Variants in MME observed in about 807,000 individuals in gnomAD.
MME encodes membrane metalloendopeptidase, also known as neprilysin.
Under a neutral mutation model 113.2 loss-of-function variants are expected in MME, and 98 were observed. The observed-to-expected ratio is 0.87, with a 90% CI of 0.74 to 1.02. MME has a LOEUF of 1.02. Ranked by LOEUF, MME falls within the 50% of genes least tolerant of loss-of-function variation. MME has a pLI of 0.00. For missense variants in MME, 836 were observed against 896.0 expected, an observed-to-expected ratio of 0.93 and a Z score of 0.86; for synonymous variants, 292 against 300.6, an observed-to-expected ratio of 0.97 and a Z score of 0.30.
At position 155,138,246 on chromosome 3, in the gene MME, A is replaced by G. The variant is rs771175787; in HGVS notation, c.855+10A>G. On this transcript the variant is annotated intron_variant, in intron 9 of 22. Transcript: ENST00000360490. Reference sequence around the variant, plus strand: ...AAAAGAAATTGCCAATGTAAAACACATTTTTTTTTCTGATACACTGAATAA... The same window carrying G: ...AAAAGAAATTGCCAATGTAAAACACGTTTTTTTTTCTGATACACTGAATAA... 2.5e-6 allele frequency: 4 copies of G among 1,602,474 alleles called. No individual in the cohort carries two copies. Among genetic ancestry groups the G allele is most frequent in the Non-Finnish European group, 3.4e-6 (4 of 1,171,562 alleles).
chr3:155,068,235 C>T (rs184078363), intron 1 of MME, among the ~76,000 whole-genome samples: 17 of 152,114 alleles, frequency 1.1e-4, no homozygotes, highest in East Asian at 9.6e-4. Context: ...AGTATACAAA[C>T]GGTATAGTAA....
intron 1 of MME, among the ~76,000 whole-genome samples, chr3:155,047,957 G>T (rs572700521): frequency 9.1e-4 from 139 of 152,216 alleles, no homozygotes; most frequent in Non-Finnish European, 1.5e-3. Context: ...TAGTATGAGG[G>T]TGTTTTGAGT....
At chr3:155,175,926 G>T (rs1004746730) in intron 22 of MME, among the ~76,000 whole-genome samples, 1 of 152,046 alleles carries the variant, frequency 6.6e-6, no homozygotes, top group African/African-American at 2.4e-5. Flanking sequence ...AGTGAGTTTT[G>T]CAGAATTTCT....
chr3:155,066,793 T>C (rs555843426), intron 1 of MME, among the ~76,000 whole-genome samples: 100 of 152,350 alleles, frequency 6.6e-4, no homozygotes, highest in African/African-American at 2.4e-3. Context: ...GACTAAGGAC[T>C]GCTCTCTGTT....
chr3:155,025,715 CAG>C (rs1393743083), intron 1 of MME, among the ~76,000 whole-genome samples: 4 of 89,602 alleles, frequency 4.5e-5, no homozygotes, highest in Non-Finnish European at 2.0e-5. Context: ...TTTTTTGAGA[CAG>C]AGTTTCACTC....
At chr3:155,071,334 G>A (rs945165846) in intron 1 of MME, among the ~76,000 whole-genome samples, 1 of 152,142 alleles carries the variant, frequency 6.6e-6, no homozygotes, top group Non-Finnish European at 1.5e-5. Context: ...CTGCCCGACC[G>A]TATCAGCACA....
chr3:155,063,921 G>C (rs12107228), intron 1 of MME, among the ~76,000 whole-genome samples: 14,466 of 151,418 alleles, frequency 0.096, 816 homozygotes, highest in African/African-American at 0.15. Context: ...GGAGATGGGG[G>C]CTTTACAGAG....
At chr3:155,148,233 A>T (rs1360907970) in intron 15 of MME, among the ~76,000 whole-genome samples, 1 of 152,176 alleles carries the variant, frequency 6.6e-6, no homozygotes, top group South Asian at 2.1e-4. Context: ...GGCACATGGT[A>T]AGTACTAAAG....
At chr3:155,069,074 G>A (rs1714472441) in intron 1 of MME, among the ~76,000 whole-genome samples, 1 of 152,172 alleles carries the variant, frequency 6.6e-6, no homozygotes, top group East Asian at 1.9e-4. Flanking sequence ...ACGAGAGCAT[G>A]GGTTTGTGAA....
intron 9 of MME, among the ~76,000 whole-genome samples, chr3:155,139,743 C>T (rs1284150336): frequency 1.3e-5 from 2 of 152,180 alleles, no homozygotes; most frequent in African/African-American, 4.8e-5. Flanking sequence ...CTTATAGAAA[C>T]TCTTGCACCT....
intron 22 of MME, among the ~76,000 whole-genome samples, chr3:155,174,706 C>T (rs1712352360): frequency 6.6e-6 from 1 of 151,938 alleles, no homozygotes; most frequent in African/African-American, 2.4e-5. Flanking sequence ...CATCATAAAA[C>T]CATATTTGCT....
intron 1 of MME, among the ~76,000 whole-genome samples, chr3:155,059,375 G>T (rs1714060732): frequency 6.6e-6 from 1 of 151,600 alleles, no homozygotes; most frequent in Non-Finnish European, 1.5e-5. Flanking sequence ...TTTATAAAGA[G>T]CTTTCTGTAT....
intron 8 of MME, among the ~76,000 whole-genome samples, chr3:155,133,345 T>C (rs973438079): frequency 2.6e-5 from 4 of 151,186 alleles, no homozygotes; most frequent in Admixed American, 1.3e-4. Flanking sequence ...GTATATTCCA[T>C]GTAGCTATAT....
At chr3:155,179,357 G>A (rs1712854139) in intron 22 of MME, among the ~76,000 whole-genome samples, 1 of 152,178 alleles carries the variant, frequency 6.6e-6, no homozygotes, top group Non-Finnish European at 1.5e-5. Context: ...CAAGTCCATG[G>A]AAGGTTTTAA....
At chr3:155,046,999 GAAGA>G (rs900546134) in intron 1 of MME, among the ~76,000 whole-genome samples, 7 of 152,098 alleles carry the variant, frequency 4.6e-5, no homozygotes, top group African/African-American at 7.2e-5. Flanking sequence ...GTTTATTACT[GAAGA>G]AAGAAACTTG....
At chr3:155,130,636 T>C (rs61758173) in intron 8 of MME, among the ~76,000 whole-genome samples, 70 of 151,912 alleles carry the variant, frequency 4.6e-4, no homozygotes, top group Admixed American at 8.5e-4. Flanking sequence ...CCAGGAGAAG[T>C]CTCCAAATTA....
At position 155,085,105 on chromosome 3, in the gene MME, G is replaced by C. The variant is rs775192412; in HGVS notation, c.196+11G>C. The C allele has an allele frequency of 6.5e-6, 10 of 1,542,294 alleles. No homozygotes were observed. Among genetic ancestry groups the C allele is most frequent in the Non-Finnish European group, 8.9e-6 (10 of 1,120,176 alleles). On this transcript the variant is annotated intron_variant, in intron 3 of 22. Transcript: ENST00000360490. ...ACTGCATAAAATCAGGTAAGAAATG[G>C]TTTTTACGTGTAATAGTTATACAAC...
chr3:155,056,943 A>T (rs1324798775), intron 1 of MME, among the ~76,000 whole-genome samples: 2 of 152,356 alleles, frequency 1.3e-5, no homozygotes, highest in Admixed American at 1.3e-4. Context: ...ACAAAAATTA[A>T]TTCAAGTTGG....
At chr3:155,127,781 G>T (rs1719807479) in intron 8 of MME, among the ~76,000 whole-genome samples, 2 of 152,220 alleles carry the variant, frequency 1.3e-5, no homozygotes, top group African/African-American at 4.8e-5. Flanking sequence ...ACACTCAGCA[G>T]AACAGTAGTA....
Sources: allele counts gnomAD v4.1 joint callset (sites outside exome capture counted in the v4.1 genomes callset), GRCh38; gene constraint gnomAD v4.1.1; transcripts MANE v1.5; gene names NCBI Gene and HGNC (gene_info 2026-07-23, HGNC 2026-07-21).